Variants in TMEM145 observed in about 807,000 individuals in gnomAD.
The protein encoded by TMEM145 is transmembrane protein 145.
TMEM145 carries 46 observed loss-of-function variants against 68.5 expected under a neutral mutation model. The observed-to-expected ratio is 0.67, with a 90% CI of 0.53 to 0.86. The LOEUF (loss-of-function observed/expected upper bound fraction) is 0.86, where lower values mean the gene tolerates loss of function less well. Ranked by LOEUF, TMEM145 falls within the 40% of genes least tolerant of loss-of-function variation. TMEM145 has a pLI of 0.00. For missense variants in TMEM145, 570 were observed against 645.8 expected (o/e 0.88, Z 1.27); for synonymous variants, 255 against 280.2 (o/e 0.91, Z 0.90).
chr19:42,317,643 G>C, intron 11 of TMEM145, 66 bp from the exon 12 acceptor site: 1 of 1,549,262 alleles, frequency 6.5e-7, no homozygotes, highest in Non-Finnish European at 8.8e-7. Context: ...GCCCAGGGGT[G>C]GGGTCCGGGG....
intron 13 of TMEM145, 73 bp from the exon 14 acceptor site, chr19:42,323,510 C>T (rs990946016): frequency 7.5e-6 from 11 of 1,463,036 alleles, no homozygotes; most frequent in Non-Finnish European, 9.4e-6. Context: ...GGGAATCCTT[C>T]GGACCCCAAG....
chr19:42,318,023 C>T (rs1286239059), intron 12 of TMEM145, 142 bp downstream of exon 12: 2 of 932,070 alleles, frequency 2.1e-6, no homozygotes, highest in Non-Finnish European at 3.2e-6. Flanking sequence ...GCCACTTACT[C>T]ACTTTGTGAA....
Position 42,316,747 on chromosome 19 carries a change from G to T in TMEM145, c.806+7G>T. 1 of 1,613,308 alleles carries T rather than the reference G, an allele frequency of 6.2e-7. No homozygotes were observed. On this transcript the variant is annotated splice_region_variant and intron_variant, in intron 10 of 14. Coordinates refer to ENST00000301204, the MANE Select transcript of TMEM145 (RefSeq NM_173633.3). ...AGGGATTCACGGTGACACGGTGCCC[G>T]GGCAGGGCGTGCTCGTGGGGCGGCT...
rs758351213 is a variant in TMEM145 at position 42,317,696 on chromosome 19, C to T, written c.901-13C>T. Reference sequence around the variant, plus strand: ...GAGGCCAGGCTGTGATGGACCCTCTCCTGCGGGTCTAGTTCTTTGACCCAG... The same window carrying T: ...GAGGCCAGGCTGTGATGGACCCTCTTCTGCGGGTCTAGTTCTTTGACCCAG... On this transcript the variant is annotated splice_polypyrimidine_tract_variant and intron_variant, in intron 11 of 14. Transcript: ENST00000301204. 3.7e-6 allele frequency: 6 copies of T among 1,613,870 alleles called. No individual in the cohort carries two copies. The highest frequency in any genetic ancestry group is 5.1e-6 in the Non-Finnish European group (6 of 1,179,818).
Position 42,325,033 on chromosome 19 carries a change from C to A in TMEM145, c.*216C>A. The A allele has an allele frequency of 2.9e-6, 2 of 682,028 alleles. No homozygotes were observed. The highest frequency in any genetic ancestry group is 4.2e-6 in the Non-Finnish European group (2 of 481,210). 42.2% of individuals were successfully genotyped at this position (682,028 alleles called of 1,614,324 possible). A position where few individuals can be genotyped will look rare whatever the true frequency, so the allele number is the denominator to read the frequency against. On this transcript the variant is annotated 3_prime_UTR_variant, in exon 15 of 15. Coordinates refer to ENST00000301204, the MANE Select transcript of TMEM145 (RefSeq NM_173633.3). ...AGAAAGACATTTTACCCCTTCTTGC[C>A]AAAATAAAAAAGGATTCGTTTTTAT... is the stretch of plus-strand genomic sequence containing the variant.
At chr19:42,324,205 G>A (rs1036181179) in intron 14 of TMEM145, 11 of 970,948 alleles carry the variant, frequency 1.1e-5, no homozygotes, top group Non-Finnish European at 1.2e-5. Context: ...TCCGGGGGAG[G>A]GGGACGGGCC....
intron 10 of TMEM145, 32 bp from the exon 11 acceptor site, chr19:42,316,838 C>A (rs2038863442): frequency 3.1e-6 from 5 of 1,611,888 alleles, no homozygotes; most frequent in Non-Finnish European, 3.4e-6. Context: ...ACGGCCCCCA[C>A]CCTGCTGTCT....
In TMEM145 at chr19:42,313,533, C is replaced by A; in HGVS notation, c.120+37C>A. On this transcript the variant is annotated intron_variant, in intron 1 of 14. Coordinates refer to ENST00000301204, the MANE Select transcript of TMEM145 (RefSeq NM_173633.3). The surrounding 1 kb of genome is among the most constrained non-coding windows in gnomAD (Gnocchi z 5.1). ...GAGCCCTCCTCTGCGGCCCGCCGGC[C>A]CCCGGGGGACGCAAGGGAGGCGAGG... 1 of 1,251,478 alleles carries A rather than the reference C, an allele frequency of 8.0e-7. No homozygotes were observed. The highest frequency in any genetic ancestry group is 3.4e-5 in the South Asian group (1 of 29,446). 77.5% of individuals were successfully genotyped at this position (1,251,478 alleles called of 1,614,324 possible).
intron 14 of TMEM145, 174 bp from the exon 15 acceptor site, chr19:42,324,563 G>A (rs938600570): frequency 4.1e-6 from 4 of 984,670 alleles, no homozygotes; most frequent in Non-Finnish European, 4.8e-6. Context: ...GGCCATGACC[G>A]GGCCCCGGCC....
In TMEM145 at chr19:42,313,452, C is replaced by G; in HGVS notation, c.76C>G (p.Arg26Gly). The change falls in exon 1 of 15, where the codon CGC becomes GGC. Residue 26 changes from arginine (R) to glycine (G), a missense_variant. Arg to Gly is a moderately radical substitution (Grantham distance 125, BLOSUM62 -2). Coordinates refer to ENST00000301204, the MANE Select transcript of TMEM145 (RefSeq NM_173633.3). The surrounding 1 kb of genome is among the most constrained non-coding windows in gnomAD (Gnocchi z 5.1). ...GCTCCTGCTGCTGTCACTGCCCCCC[C>G]GCGCCCGGGCCAAGTACGTGCGGGG... is the stretch of plus-strand genomic sequence containing the variant. ...LLLLLLSLPP[R>G]ARAKYVRGNL... 7.3e-7 allele frequency: 1 copy of G among 1,371,588 alleles called. No homozygotes were observed. The highest frequency in any genetic ancestry group is 9.4e-7 in the Non-Finnish European group (1 of 1,058,720). The allele number at this position is 1,371,588 out of a possible 1,614,324, so 85.0% of individuals were successfully genotyped here.
intron 14 of TMEM145, chr19:42,324,220 G>A (rs2038944937): frequency 1.0e-6 from 1 of 978,666 alleles, no homozygotes; most frequent in African/African-American, 1.8e-5. Flanking sequence ...CGGGCCTTCG[G>A]GGCCGCATCT....
At chr19:42,324,451 G>A in intron 14 of TMEM145, 4 of 985,406 alleles carry the variant, frequency 4.1e-6, no homozygotes, top group Non-Finnish European at 4.8e-6. Flanking sequence ...TCGTGCCCCA[G>A]ACGGCAGCGC....
At chr19:42,317,049 C>T (rs2038866485) in intron 11 of TMEM145, 86 bp downstream of exon 11, 6 of 1,152,788 alleles carry the variant, frequency 5.2e-6, no homozygotes, top group Non-Finnish European at 7.6e-6. Context: ...CGCCCTTGCC[C>T]ACATCCTGCT....
At chr19:42,323,525 TG>T in intron 13 of TMEM145, 57 bp from the exon 14 acceptor site, 2 of 1,564,398 alleles carry the variant, frequency 1.3e-6, no homozygotes, top group Non-Finnish European at 1.7e-6. Flanking sequence ...CCCAAGTTTA[TG>T]GGGACAGCCT....
In TMEM145 at chr19:42,323,775, C is replaced by G. The variant is rs143263887; in HGVS notation, c.1387C>G (p.Pro463Ala). The G allele has an allele frequency of 2.8e-4, 449 of 1,613,864 alleles. No individual in the cohort carries two copies. The highest frequency in any genetic ancestry group is 3.4e-4 in the Non-Finnish European group (397 of 1,179,946). The change falls in exon 14 of 15, where the codon CCG becomes GCG. Residue 463 changes from proline (P) to alanine (A), a missense_variant. Coordinates refer to ENST00000301204, the MANE Select transcript of TMEM145 (RefSeq NM_173633.3). Reference protein sequence around the residue: ...PNFTELFSIPPPATSPLPRAA... With the variant: ...PNFTELFSIPAPATSPLPRAA... ...CTTCACGGAGCTCTTCTCCATCCCC[C>G]CGCCCGCCACCTCCGTAAGCCCCGC... is the stretch of plus-strand genomic sequence containing the variant.
intron 3 of TMEM145, 27 bp from the exon 4 acceptor site, chr19:42,314,586 G>A (rs754893484): frequency 2.5e-6 from 4 of 1,614,154 alleles, no homozygotes; most frequent in East Asian, 4.5e-5. Flanking sequence ...CTGGCCGGGG[G>A]AGTGACCCTG....
chr19:42,321,973 G>A (rs1391191087), intron 13 of TMEM145, among the ~76,000 whole-genome samples: 1 of 152,172 alleles, frequency 6.6e-6, no homozygotes, highest in African/African-American at 2.4e-5. Context: ...GGCCTTTGGC[G>A]GCAGGCAAAT....
Position 42,315,210 on chromosome 19 carries a change from C to G in TMEM145, c.528C>G (p.Thr176=), listed in dbSNP as rs779819031. ...DEFGILETDV[T]FLLIFILIFF... is the part of the protein sequence containing the mutation. The stretch of plus-strand genomic sequence containing the variant: ...CAGGGATCCTGGAGACAGATGTGAC[C>G]TTCCTCCTCATCTTCATCCTCATCT... The change falls in exon 7 of 15, where the codon ACC becomes ACG. Residue 176 remains threonine, a synonymous_variant. Transcript: ENST00000301204. The G allele has an allele frequency of 6.2e-6, 10 of 1,608,122 alleles. No homozygotes were observed. In the East Asian group the frequency reaches 2.2e-4, roughly 36 times the overall value.
chr19:42,314,572 G>A lies in TMEM145; in HGVS notation c.274-41G>A, dbSNP rs765881294. 1.1e-5 allele frequency: 18 copies of A among 1,614,024 alleles called. No homozygotes were observed. The Admixed American group carries it at 1.7e-4, about 15-fold the overall frequency. ...GCATAGGGGGAGAGGGGAGAAGGTC[G>A]TTGCTGGCCGGGGGAGTGACCCTGT... On this transcript the variant is annotated intron_variant, in intron 3 of 14. Coordinates refer to ENST00000301204, the MANE Select transcript of TMEM145 (RefSeq NM_173633.3).
Sources: gnomAD v4.1 joint callset for allele counts (sites outside exome capture counted in the v4.1 genomes callset) on GRCh38, gnomAD v4.1.1 for gene constraint, Gnocchi (gnomAD v3.1) non-coding constraint, MANE v1.5 for transcripts, NCBI Gene and HGNC (gene_info 2026-07-23, HGNC 2026-07-21) for gene names.